EEFSEC: variants seen among roughly 807,000 people sequenced by gnomAD.
The protein encoded by EEFSEC is selenocysteine-specific elongation factor.
In EEFSEC, 43 loss-of-function variants were observed where a neutral mutation model predicts 42.1. The ratio of observed to expected loss-of-function variants is 1.02; its 90% CI spans 0.80 to 1.32. The LOEUF (loss-of-function observed/expected upper bound fraction) is 1.32. Among genes scored for constraint, EEFSEC ranks in the 40% most tolerant of loss-of-function variants. EEFSEC has a pLI of 0.00. For missense variants in EEFSEC, 745 were observed against 803.6 expected (o/e 0.93, Z 0.88); for synonymous variants, 354 against 339.1 (o/e 1.04, Z -0.48).
chr3:128,307,554 A>C (rs2066844435), intron 4 of EEFSEC, among the ~76,000 whole-genome samples: 1 of 152,174 alleles, frequency 6.6e-6, no homozygotes, highest in African/African-American at 2.4e-5. Flanking sequence ...CTTGGTCTCT[A>C]TTCCTCCAGG....
At chr3:128,336,021 G>A (rs1403574903) in intron 4 of EEFSEC, among the ~76,000 whole-genome samples, 2 of 152,178 alleles carry the variant, frequency 1.3e-5, no homozygotes, top group Non-Finnish European at 2.9e-5. Context: ...GAGGCAGTTG[G>A]GTGTAAGTCT....
chr3:128,214,273 G>T (rs926756553), intron 1 of EEFSEC, among the ~76,000 whole-genome samples: 5 of 152,214 alleles, frequency 3.3e-5, no homozygotes, highest in Non-Finnish European at 5.9e-5. Flanking sequence ...GTAGCATACT[G>T]CTAACAGCTG....
chr3:128,263,808 C>T (rs888491128), intron 3 of EEFSEC, among the ~76,000 whole-genome samples: 3 of 152,238 alleles, frequency 2.0e-5, no homozygotes, highest in African/African-American at 7.2e-5. Flanking sequence ...TCCCGGCACA[C>T]AGGTGGCATG....
At chr3:128,217,019 A>T (rs140112855) in intron 1 of EEFSEC, among the ~76,000 whole-genome samples, 1 of 152,328 alleles carries the variant, frequency 6.6e-6, no homozygotes, top group African/African-American at 2.4e-5. Flanking sequence ...AATTTTTATT[A>T]TAAGTATTTA....
intron 1 of EEFSEC, among the ~76,000 whole-genome samples, chr3:128,195,449 T>G (rs2065574383): frequency 6.6e-6 from 1 of 152,060 alleles, no homozygotes; most frequent in Non-Finnish European, 1.5e-5. Context: ...ACCAGGCCTG[T>G]GTCTGCAGCT....
intron 4 of EEFSEC, among the ~76,000 whole-genome samples, chr3:128,266,251 G>A (rs1375995355): frequency 6.6e-6 from 1 of 152,154 alleles, no homozygotes; most frequent in Non-Finnish European, 1.5e-5. Context: ...CTGTGGCCCA[G>A]CTAAGTTGAC....
At chr3:128,279,254 A>C (rs539326528) in intron 4 of EEFSEC, among the ~76,000 whole-genome samples, 1 of 152,226 alleles carries the variant, frequency 6.6e-6, no homozygotes, top group East Asian at 1.9e-4. Flanking sequence ...CGGCCACTTA[A>C]CCCTTCCAGT....
chr3:128,318,116 C>T (rs777750672), intron 4 of EEFSEC, among the ~76,000 whole-genome samples: 6 of 152,222 alleles, frequency 3.9e-5, no homozygotes, highest in Admixed American at 2.0e-4. Flanking sequence ...AGGCCGTCAG[C>T]CTGCCCTGGC....
chr3:128,294,214 C>T (rs1236149810), intron 4 of EEFSEC, among the ~76,000 whole-genome samples: 1 of 152,140 alleles, frequency 6.6e-6, no homozygotes, highest in Non-Finnish European at 1.5e-5. Context: ...CCCAGATATC[C>T]CTCCTTCCCA....
intron 2 of EEFSEC, among the ~76,000 whole-genome samples, chr3:128,261,029 G>A (rs975998922): frequency 2.0e-5 from 3 of 151,694 alleles, no homozygotes; most frequent in Non-Finnish European, 4.4e-5. Context: ...TTATAATAGT[G>A]AAAAATTTGA....
chr3:128,233,510 C>A (rs1446875544), intron 1 of EEFSEC, among the ~76,000 whole-genome samples: 2 of 152,204 alleles, frequency 1.3e-5, no homozygotes, highest in East Asian at 3.8e-4. Context: ...TTAATCATGT[C>A]TCCAGTTATC....
In EEFSEC at chr3:128,245,948, C is replaced by A. The variant is rs183969509; in HGVS notation, c.317-888C>A. Among the ~76,000 whole-genome samples the A allele has an allele frequency of 1.1e-3, 163 of 152,202 alleles. 1 individual carries two copies. The highest frequency in any genetic ancestry group is 3.4e-3 in the Middle Eastern group (1 of 294). On this transcript the variant is annotated intron_variant, in intron 1 of 6. Coordinates refer to ENST00000254730, the MANE Select transcript of EEFSEC (RefSeq NM_021937.5). ...ATTGCCAATGACCATAATCCGATCC[C>A]GAGAAATGCTTCATGGGCATTCTTA...
intron 6 of EEFSEC, among the ~76,000 whole-genome samples, chr3:128,381,505 A>G (rs112012719): frequency 1.3e-5 from 2 of 152,370 alleles, no homozygotes; most frequent in African/African-American, 4.8e-5. Context: ...GGCCAGGATG[A>G]GTTCCATTAG....
chr3:128,420,812 G>T, the EEFSEC span, among the ~76,000 whole-genome samples: 1 of 152,074 alleles, frequency 6.6e-6, no homozygotes, highest in South Asian at 2.1e-4. Context: ...ATACACACTG[G>T]AGTCTAGCAG....
chr3:128,269,120 C>T (rs1267347677), intron 4 of EEFSEC, among the ~76,000 whole-genome samples: 2 of 152,234 alleles, frequency 1.3e-5, no homozygotes, highest in Non-Finnish European at 2.9e-5. Context: ...TCTTTCCTGG[C>T]ATGCCCATCC....
At chr3:128,177,200 AG>A (rs1268195889) in intron 1 of EEFSEC, among the ~76,000 whole-genome samples, 7 of 151,990 alleles carry the variant, frequency 4.6e-5, no homozygotes, top group African/African-American at 1.7e-4. Context: ...TATATGATTA[AG>A]TTTTGGAAAG....
chr3:128,375,037 C>T (rs988897778), intron 6 of EEFSEC, among the ~76,000 whole-genome samples: 2 of 152,212 alleles, frequency 1.3e-5, no homozygotes, highest in Non-Finnish European at 2.9e-5. Flanking sequence ...TGGTTTGGCC[C>T]AGCCTTTGGG....
At chr3:128,332,546 G>A (rs1576645291) in intron 4 of EEFSEC, among the ~76,000 whole-genome samples, 2 of 152,316 alleles carry the variant, frequency 1.3e-5, no homozygotes, top group African/African-American at 4.8e-5. Context: ...CCACCTCCTG[G>A]GTTCAAGTGA....
intron 4 of EEFSEC, among the ~76,000 whole-genome samples, chr3:128,276,349 T>C (rs2066467806): frequency 6.6e-6 from 1 of 152,194 alleles, no homozygotes. Flanking sequence ...CATCAAATCA[T>C]CCAAAGGGAC....
Sources: gnomAD v4.1 joint callset for allele counts (sites outside exome capture counted in the v4.1 genomes callset) on GRCh38, gnomAD v4.1.1 for gene constraint, MANE v1.5 for transcripts, NCBI Gene and HGNC (gene_info 2026-07-23, HGNC 2026-07-21) for gene names.